COL19A1: variants seen among roughly 807,000 people sequenced by gnomAD.
COL19A1 encodes collagen alpha-1(XIX) chain.
Under a neutral mutation model 190.2 loss-of-function variants are expected in COL19A1, and 159 were observed. That is an observed-to-expected ratio of 0.84 (90% confidence interval 0.73 to 0.95). The LOEUF (loss-of-function observed/expected upper bound fraction) is 0.95. Ranked by LOEUF, COL19A1 falls within the 40% of genes least tolerant of loss-of-function variation. The pLI, the probability that COL19A1 is intolerant of heterozygous loss-of-function variation, is 0.00. For synonymous variants in COL19A1, 509 were observed against 458.9 expected, an observed-to-expected ratio of 1.11 and a Z score of -1.39; for missense variants, 1,418 against 1,431.9, an observed-to-expected ratio of 0.99 and a Z score of 0.16.
intron 17 of COL19A1, among the ~76,000 whole-genome samples, chr6:70,125,777 G>T (rs570837018): frequency 6.6e-6 from 1 of 152,216 alleles, no homozygotes; most frequent in South Asian, 2.1e-4. Context: ...CTCCCATTCT[G>T]CAAGATTGTT....
chr6:69,886,632 G>A (rs1297995693), intron 2 of COL19A1, among the ~76,000 whole-genome samples: 1 of 150,226 alleles, frequency 6.7e-6, no homozygotes, highest in African/African-American at 2.5e-5. Flanking sequence ...TTTTTTTTGT[G>A]TGGTGAAATT....
At position 70,144,925 on chromosome 6, in the gene COL19A1, C is replaced by T. The variant is rs372506562; in HGVS notation, c.1688C>T (p.Pro563Leu). The change falls in exon 25 of 51, where the codon CCG becomes CTG. Residue 563 changes from proline to leucine, a missense_variant. Transcript: ENST00000620364. ...TTACCTTGTTTTCTACAGGGAGATC[C>T]GGGTGGGATCATAGGCCCTCCCGGG... Reference protein sequence around the residue: ...KQGIKGEKGDPGGIIGPPGLP... With the variant: ...KQGIKGEKGDLGGIIGPPGLP... The T allele has an allele frequency of 7.5e-5, 118 of 1,572,922 alleles. No individual in the cohort carries two copies. The highest frequency in any genetic ancestry group is 9.3e-5 in the East Asian group (4 of 43,144).
At chr6:70,096,084 A>ATT (rs70987498) in intron 15 of COL19A1, among the ~76,000 whole-genome samples, 7,355 of 141,246 alleles carry the variant, frequency 0.052, 538 homozygotes, top group African/African-American at 0.15. Flanking sequence ...CGGTAACTCT[A>ATT]TTTTTTTTTT....
intron 31 of COL19A1, among the ~76,000 whole-genome samples, chr6:70,155,754 G>A (rs1787391115): frequency 6.6e-6 from 1 of 152,076 alleles, no homozygotes; most frequent in African/African-American, 2.4e-5. Flanking sequence ...TAATCTTGCT[G>A]GGTTTTCTAA....
intron 15 of COL19A1, among the ~76,000 whole-genome samples, chr6:70,071,917 G>A (rs1457208526): frequency 6.6e-6 from 1 of 152,148 alleles, no homozygotes; most frequent in Non-Finnish European, 1.5e-5. Context: ...AAGAGAAGTG[G>A]CTGGAATTGG....
At chr6:70,152,655 C>T (rs1446578196) in intron 31 of COL19A1, among the ~76,000 whole-genome samples, 1 of 152,076 alleles carries the variant, frequency 6.6e-6, no homozygotes, top group African/African-American at 2.4e-5. Context: ...CGCATTCCCA[C>T]TCTATAGATG....
chr6:70,210,224 A>G lies in COL19A1; in HGVS notation c.*2950A>G, dbSNP rs560847298. On this transcript the variant is annotated 3_prime_UTR_variant, in exon 51 of 51. Transcript: ENST00000620364. ...TTTGAGTTCCAATCTTACATTTTATACCAAGTTCAAAACACTTTCAGATAG... is the reference window on the plus strand; with the variant it reads ...TTTGAGTTCCAATCTTACATTTTATGCCAAGTTCAAAACACTTTCAGATAG... Among the ~76,000 whole-genome samples the G allele has an allele frequency of 3.9e-4, 59 of 152,278 alleles. No homozygotes were observed. The highest frequency in any genetic ancestry group is 1.3e-3 in the African/African-American group (56 of 41,578).
At chr6:69,953,535 A>G (rs1226935558) in intron 9 of COL19A1, among the ~76,000 whole-genome samples, 2 of 152,046 alleles carry the variant, frequency 1.3e-5, no homozygotes, top group African/African-American at 4.8e-5. Flanking sequence ...AAGCAGAAAC[A>G]TAAGAAGGAC....
At chr6:70,041,757 A>T (rs538091529) in intron 14 of COL19A1, among the ~76,000 whole-genome samples, 7 of 152,278 alleles carry the variant, frequency 4.6e-5, no homozygotes, top group Admixed American at 3.3e-4. Flanking sequence ...CAAAAATTAA[A>T]ATTTTTAAAT....
chr6:70,100,483 T>C (rs1464540170), intron 15 of COL19A1, among the ~76,000 whole-genome samples: 1 of 151,852 alleles, frequency 6.6e-6, no homozygotes, highest in Non-Finnish European at 1.5e-5. Flanking sequence ...ATCTATAAAA[T>C]GAAAGATAAG....
chr6:70,055,814 T>G lies in COL19A1; in HGVS notation c.1171-12609T>G, dbSNP rs537873964. Among the ~76,000 whole-genome samples, 72 of 148,696 alleles carry G rather than the reference T, an allele frequency of 4.8e-4. 1 individual carries two copies. Among genetic ancestry groups the G allele is most frequent in the African/African-American group, 1.8e-3 (70 of 38,408 alleles). ...AAAAAAAAAAAAAAAAATTCACATT[T>G]TAATGACTGTAAATATTGTCATGTG... On this transcript the variant is annotated intron_variant, in intron 14 of 50. Coordinates refer to ENST00000620364, the MANE Select transcript of COL19A1 (RefSeq NM_001858.6).
At chr6:69,921,807 CGTATGTAGATTCG>C (rs1771978010) in intron 4 of COL19A1, among the ~76,000 whole-genome samples, 1 of 145,656 alleles carries the variant, frequency 6.9e-6, no homozygotes, top group African/African-American at 2.6e-5. Context: ...TATGTATATT[CGTATGTAGATTCG>C]TATATATATT....
chr6:70,210,838 C>G lies in COL19A1; in HGVS notation c.*3564C>G, dbSNP rs1030352232. 6.6e-6 allele frequency among the ~76,000 whole-genome samples: 1 copy of G among 151,636 alleles called. No individual in the cohort carries two copies. The highest frequency in any genetic ancestry group is 2.4e-5 in the African/African-American group (1 of 41,262). ...TTTGTTTTGTTAATTTATGTTTTTC[C>G]TAATTTTAAGCATCTTTATGAAACA... On this transcript the variant is annotated 3_prime_UTR_variant, in exon 51 of 51. Coordinates refer to ENST00000620364, the MANE Select transcript of COL19A1 (RefSeq NM_001858.6).
At chr6:70,146,735 A>G (rs752791837) in intron 26 of COL19A1, 32 bp downstream of exon 26, 22 of 1,597,500 alleles carry the variant, frequency 1.4e-5, no homozygotes, top group Non-Finnish European at 1.9e-5. Context: ...TTTTTAAGGA[A>G]TGAATAATTA....
Position 69,960,024 on chromosome 6 carries a change from G to T in COL19A1, c.965G>T (p.Gly322Val). The T allele has an allele frequency of 6.2e-7, 1 of 1,613,410 alleles. No individual in the cohort carries two copies. The highest frequency in any genetic ancestry group is 1.1e-5 in the South Asian group (1 of 90,910). ...GAAAATGGTTTACATGGTGCTCCAG[G>T]ATTCCCTGGTCAAAAGGTAAAGAGT... is the stretch of plus-strand genomic sequence containing the variant. ...PGENGLHGAPGFPGQKGEQGF... is the reference protein window; with the variant it reads ...PGENGLHGAPVFPGQKGEQGF... Residue 322 changes from glycine to valine, a missense_variant, in exon 10 of 51, where the codon GGA (glycine) becomes GTA (valine). Gly to Val is a moderately radical substitution (Grantham distance 109). Transcript: ENST00000620364.
At chr6:69,992,208 A>G (rs1776664995) in intron 11 of COL19A1, among the ~76,000 whole-genome samples, 1 of 152,074 alleles carries the variant, frequency 6.6e-6, no homozygotes, top group Non-Finnish European at 1.5e-5. Flanking sequence ...AGATGGTTGT[A>G]GGTATGCATC....
chr6:69,948,008 C>G (rs537965738), intron 9 of COL19A1, among the ~76,000 whole-genome samples: 172 of 151,884 alleles, frequency 1.1e-3, no homozygotes, highest in African/African-American at 4.0e-3. Context: ...TCTTTAAATA[C>G]TTGTTCAAAG....
intron 25 of COL19A1, among the ~76,000 whole-genome samples, chr6:70,146,026 A>C (rs559774693): frequency 6.6e-6 from 1 of 152,156 alleles, no homozygotes; most frequent in African/African-American, 2.4e-5. Flanking sequence ...TCAGAGATAA[A>C]ACCTCTTAAA....
intron 4 of COL19A1, among the ~76,000 whole-genome samples, chr6:69,908,445 A>G (rs1770701617): frequency 6.6e-6 from 1 of 152,142 alleles, no homozygotes; most frequent in Admixed American, 6.5e-5. Flanking sequence ...TCATCACTGT[A>G]TTTCCTTCAT....
Sources: allele counts gnomAD v4.1 joint callset (sites outside exome capture counted in the v4.1 genomes callset), GRCh38; gene constraint gnomAD v4.1.1; transcripts MANE v1.5; gene names NCBI Gene and HGNC (gene_info 2026-07-23, HGNC 2026-07-21).